PTPRD: variants seen among roughly 807,000 people sequenced by gnomAD.
PTPRD encodes receptor-type tyrosine-protein phosphatase delta.
PTPRD carries 34 observed loss-of-function variants against 214.5 expected under a neutral mutation model. The ratio of observed to expected loss-of-function variants is 0.16; its 90% CI spans 0.12 to 0.21. The LOEUF (loss-of-function observed/expected upper bound fraction) is 0.21. Among genes scored for constraint, PTPRD ranks in the 10% least tolerant of loss-of-function variants. The pLI, the probability that PTPRD is intolerant of heterozygous loss-of-function variation, is 1.00. For missense variants in PTPRD, 2,545 were observed against 2,398.7 expected (o/e 1.06, Z -1.27); for synonymous variants, 1,128 against 845.7 (o/e 1.33, Z -5.79).
intron 11 of PTPRD, among the ~76,000 whole-genome samples, chr9:8,776,289 C>G (rs753780254): frequency 2.0e-5 from 3 of 152,110 alleles, no homozygotes; most frequent in Non-Finnish European, 4.4e-5. Flanking sequence ...AACTAGACAC[C>G]TCAAAAGTAG....
chr9:9,281,962 G>T (rs1470034710), intron 9 of PTPRD, among the ~76,000 whole-genome samples: 2 of 151,196 alleles, frequency 1.3e-5, no homozygotes, highest in African/African-American at 4.8e-5. Context: ...GAAAAAACAT[G>T]GAGAAACCAT....
In PTPRD at chr9:10,393,817, A is replaced by G. The variant is rs562115952; in HGVS notation, c.-599-52800T>C. On this transcript the variant is annotated intron_variant, in intron 2 of 45. Coordinates refer to ENST00000381196, the MANE Select transcript of PTPRD (RefSeq NM_002839.4). ...ATGTAACCTTCTTTACTTGCAGAATAAAGTTTTATATGATTCGAAGTAATG... is the reference window on the plus strand; with the variant it reads ...ATGTAACCTTCTTTACTTGCAGAATGAAGTTTTATATGATTCGAAGTAATG... 6.1e-5 allele frequency among the ~76,000 whole-genome samples: 9 copies of G among 148,504 alleles called. No homozygotes were observed. In the East Asian group the frequency reaches 1.6e-3, roughly 26 times the overall value.
At chr9:8,827,399 G>C (rs1279454737) in intron 11 of PTPRD, among the ~76,000 whole-genome samples, 2 of 152,168 alleles carry the variant, frequency 1.3e-5, no homozygotes, top group African/African-American at 4.8e-5. Flanking sequence ...CTGAGGTCAA[G>C]GGTTCAAAAC....
chr9:8,487,942 T>C (rs950156524), intron 27 of PTPRD, among the ~76,000 whole-genome samples: 6 of 152,036 alleles, frequency 3.9e-5, no homozygotes, highest in South Asian at 2.1e-4. Context: ...GGTGGGAGAA[T>C]TGCTTGAGCC....
intron 5 of PTPRD, among the ~76,000 whole-genome samples, chr9:9,840,425 G>T (rs2058015477): frequency 6.6e-6 from 1 of 151,942 alleles, no homozygotes; most frequent in African/African-American, 2.4e-5. Flanking sequence ...CAGTCTTCAA[G>T]TTAAACTTTT....
At chr9:10,012,314 T>G (rs2096618124) in intron 4 of PTPRD, among the ~76,000 whole-genome samples, 1 of 151,570 alleles carries the variant, frequency 6.6e-6, no homozygotes, top group African/African-American at 2.4e-5. Flanking sequence ...CGGTGGAAGA[T>G]TCAGACAAGA....
intron 9 of PTPRD, among the ~76,000 whole-genome samples, chr9:9,379,576 CCTT>C (rs2061631891): frequency 6.6e-6 from 1 of 151,934 alleles, no homozygotes; most frequent in East Asian, 1.9e-4. Context: ...CATAAATTAA[CCTT>C]CTGAAATTTT....
At chr9:8,817,758 C>T (rs2096951982) in intron 11 of PTPRD, among the ~76,000 whole-genome samples, 1 of 152,202 alleles carries the variant, frequency 6.6e-6, no homozygotes, top group African/African-American at 2.4e-5. Context: ...TGTGTCTAGC[C>T]TCTGTCCTAA....
intron 11 of PTPRD, among the ~76,000 whole-genome samples, chr9:8,750,941 G>A (rs1031927385): frequency 3.9e-5 from 6 of 152,006 alleles, no homozygotes; most frequent in Admixed American, 2.0e-4. Context: ...AACCTCCCCC[G>A]ACTGCCCTCC....
At chr9:8,375,826 T>C in intron 39 of PTPRD, 110 bp downstream of exon 39, 1 of 1,303,948 alleles carries the variant, frequency 7.7e-7, no homozygotes. Flanking sequence ...AGAGCTGTAT[T>C]ATTTATGAAG....
chr9:9,522,073 C>G (rs992122397), intron 8 of PTPRD, among the ~76,000 whole-genome samples: 3 of 144,882 alleles, frequency 2.1e-5, no homozygotes, highest in African/African-American at 5.1e-5. Context: ...AGGAGAATCG[C>G]TTGAAACTGG....
chr9:9,135,921 A>C (rs1159162783), intron 10 of PTPRD, among the ~76,000 whole-genome samples: 1 of 152,074 alleles, frequency 6.6e-6, no homozygotes, highest in East Asian at 1.9e-4. Context: ...GTTTATGACA[A>C]CCATTTAAAT....
intron 2 of PTPRD, among the ~76,000 whole-genome samples, chr9:10,419,907 G>C (rs958892749): frequency 1.8e-4 from 27 of 151,522 alleles, no homozygotes; most frequent in Admixed American, 1.4e-3. Flanking sequence ...GTTAAGTTTT[G>C]CTTCTAGAAA....
At chr9:10,487,722 G>A (rs1312734128) in intron 2 of PTPRD, among the ~76,000 whole-genome samples, 1 of 151,802 alleles carries the variant, frequency 6.6e-6, no homozygotes, top group Non-Finnish European at 1.5e-5. Flanking sequence ...GGTGAGGGGA[G>A]GGAACTTAGA....
chr9:9,044,334 T>C (rs2099662378), intron 10 of PTPRD, among the ~76,000 whole-genome samples: 2 of 152,240 alleles, frequency 1.3e-5, no homozygotes, highest in African/African-American at 4.8e-5. Context: ...ATATTTGCTA[T>C]GGATAGATGT....
At chr9:8,841,994 G>C (rs938044416) in intron 11 of PTPRD, among the ~76,000 whole-genome samples, 1 of 133,444 alleles carries the variant, frequency 7.5e-6, no homozygotes, top group Non-Finnish European at 1.6e-5. Context: ...CTGGGCAATA[G>C]AGCGAGACAC....
intron 39 of PTPRD, among the ~76,000 whole-genome samples, chr9:8,355,010 G>C (rs1456059425): frequency 6.6e-6 from 1 of 152,108 alleles, no homozygotes. Context: ...ATATAGTTTG[G>C]ATATGTGTAC....
intron 5 of PTPRD, among the ~76,000 whole-genome samples, chr9:9,936,787 G>C (rs1602954293): frequency 7.1e-6 from 1 of 140,302 alleles, no homozygotes; most frequent in Admixed American, 7.6e-5. Context: ...TATGTTTATT[G>C]CGGCATTATT....
At chr9:8,608,522 G>A (rs149873864) in intron 14 of PTPRD, among the ~76,000 whole-genome samples, 216 of 152,170 alleles carry the variant, frequency 1.4e-3, no homozygotes, top group African/African-American at 5.0e-3. Context: ...GAGTCACTTA[G>A]AACCACTCAG....
Sources: allele counts gnomAD v4.1 joint callset (sites outside exome capture counted in the v4.1 genomes callset), GRCh38; gene constraint gnomAD v4.1.1; transcripts MANE v1.5; gene names NCBI Gene and HGNC (gene_info 2026-07-23, HGNC 2026-07-21).